VDAC1: variants seen among roughly 807,000 people sequenced by gnomAD.
VDAC1 encodes voltage dependent anion channel 1.
Under a neutral mutation model 34.7 loss-of-function variants are expected in VDAC1, and 10 were observed. The ratio of observed to expected loss-of-function variants is 0.29; its 90% CI spans 0.18 to 0.49. The LOEUF is 0.49. VDAC1 is among the 20% of genes least tolerant of loss of function. The pLI is 0.99. For synonymous variants in VDAC1, 130 were observed against 136.0 expected, an observed-to-expected ratio of 0.96 and a Z score of 0.30; for missense variants, 230 against 347.9, an observed-to-expected ratio of 0.66 and a Z score of 2.69.
the VDAC1 span, among the ~76,000 whole-genome samples, chr5:134,088,867 G>C: frequency 6.6e-6 from 1 of 152,154 alleles, no homozygotes; most frequent in Non-Finnish European, 1.5e-5. Flanking sequence ...GGAATAGACT[G>C]TCCGGTTGTG....
the VDAC1 span, among the ~76,000 whole-genome samples, chr5:134,101,856 C>T: frequency 6.6e-6 from 1 of 152,196 alleles, no homozygotes; most frequent in East Asian, 1.9e-4. Flanking sequence ...GCTGCCAGGG[C>T]TCAGATGCAG....
chr5:134,004,839 G>A (rs1473370296), intron 1 of VDAC1, 56 bp downstream of exon 1: 1 of 151,028 alleles, frequency 6.6e-6, no homozygotes, highest in East Asian at 2.0e-4. Context: ...GCCCCGCCCG[G>A]GACAGCGTCC....
the VDAC1 span, among the ~76,000 whole-genome samples, chr5:134,042,863 G>A: frequency 2.0e-3 from 307 of 152,272 alleles, no homozygotes; most frequent in African/African-American, 7.0e-3. Context: ...ATGAAACTGG[G>A]CTCCCCCAGG....
chr5:134,109,462 G>A, the VDAC1 span, among the ~76,000 whole-genome samples: 1 of 152,070 alleles, frequency 6.6e-6, no homozygotes, highest in African/African-American at 2.4e-5. Context: ...AGCTCTTCAT[G>A]GCATCCTTAG....
At chr5:134,043,700 T>C in the VDAC1 span, among the ~76,000 whole-genome samples, 2 of 151,970 alleles carry the variant, frequency 1.3e-5, no homozygotes, top group South Asian at 4.2e-4. Flanking sequence ...GGCCAGCTAA[T>C]TTTTGTATGT....
chr5:134,014,267 A>C, the VDAC1 span, among the ~76,000 whole-genome samples: 1 of 151,672 alleles, frequency 6.6e-6, no homozygotes, highest in Non-Finnish European at 1.5e-5. Flanking sequence ...TCCAGCCTGG[A>C]TGACAGAGTG....
the VDAC1 span, among the ~76,000 whole-genome samples, chr5:134,018,494 G>A: frequency 2.0e-5 from 3 of 152,140 alleles, no homozygotes; most frequent in Admixed American, 1.3e-4. Flanking sequence ...TATAGGAATC[G>A]TGCCTCTTGG....
chr5:134,059,356 G>A, the VDAC1 span, among the ~76,000 whole-genome samples: 1 of 152,196 alleles, frequency 6.6e-6, no homozygotes, highest in African/African-American at 2.4e-5. Flanking sequence ...CTTGGCTCTA[G>A]ACCAAGAGGA....
the VDAC1 span, among the ~76,000 whole-genome samples, chr5:134,028,204 C>T: frequency 6.6e-6 from 1 of 152,114 alleles, no homozygotes; most frequent in Non-Finnish European, 1.5e-5. Context: ...GCCATCTCGG[C>T]TCACTGCAAC....
the VDAC1 span, among the ~76,000 whole-genome samples, chr5:134,111,436 G>T: frequency 6.6e-6 from 1 of 152,180 alleles, no homozygotes; most frequent in Non-Finnish European, 1.5e-5. Context: ...GGCAACCACA[G>T]CAGATTGCAC....
the VDAC1 span, among the ~76,000 whole-genome samples, chr5:134,028,282 G>T: frequency 6.6e-6 from 1 of 150,898 alleles, no homozygotes; most frequent in African/African-American, 2.4e-5. Context: ...ACAGGGACCC[G>T]CCACCATGCC....
At chr5:134,086,464 C>A in the VDAC1 span, among the ~76,000 whole-genome samples, 2 of 152,194 alleles carry the variant, frequency 1.3e-5, no homozygotes, top group African/African-American at 4.8e-5. Context: ...TATTCACAAG[C>A]TCTTAGAGAC....
chr5:134,071,255 G>T, the VDAC1 span, among the ~76,000 whole-genome samples: 1 of 152,250 alleles, frequency 6.6e-6, no homozygotes, highest in Non-Finnish European at 1.5e-5. This position sits in a 1 kb window ranked among gnomAD's most constrained non-coding sequence, Gnocchi z 4.1. Context: ...CCAAGGTGCG[G>T]ACGCAGCGGG....
chr5:134,064,219 G>A, the VDAC1 span, among the ~76,000 whole-genome samples: 3 of 152,086 alleles, frequency 2.0e-5, no homozygotes, highest in African/African-American at 7.2e-5. Context: ...TTGGGCAAGT[G>A]ATTCTCCTGC....
chr5:134,086,690 C>T, the VDAC1 span, among the ~76,000 whole-genome samples: 2 of 146,160 alleles, frequency 1.4e-5, no homozygotes, highest in African/African-American at 5.6e-5. Context: ...CTTCCTTCTT[C>T]CTTCCCCTTC....
At chr5:134,081,307 G>A in the VDAC1 span, among the ~76,000 whole-genome samples, 1 of 152,200 alleles carries the variant, frequency 6.6e-6, no homozygotes, top group East Asian at 1.9e-4. Flanking sequence ...AAAGTGCTGG[G>A]ATTACAGGCG....
At chr5:134,061,686 T>C in the VDAC1 span, among the ~76,000 whole-genome samples, 1 of 151,806 alleles carries the variant, frequency 6.6e-6, no homozygotes, top group Non-Finnish European at 1.5e-5. Flanking sequence ...GAATTTTTTA[T>C]GAAGACAATC....
At chr5:134,079,335 G>A in the VDAC1 span, among the ~76,000 whole-genome samples, 1 of 152,220 alleles carries the variant, frequency 6.6e-6, no homozygotes, top group Admixed American at 6.5e-5. Context: ...CGTGGAATGG[G>A]ACCAGGCGAC....
chr5:134,063,655 G>T, the VDAC1 span, among the ~76,000 whole-genome samples: 1 of 152,138 alleles, frequency 6.6e-6, no homozygotes, highest in African/African-American at 2.4e-5. Context: ...TGCTAGACAC[G>T]TGAGGGAGGG....
Sources: gnomAD v4.1 joint callset for allele counts (sites outside exome capture counted in the v4.1 genomes callset) on GRCh38, gnomAD v4.1.1 for gene constraint, Gnocchi (gnomAD v3.1) non-coding constraint, MANE v1.5 for transcripts, NCBI Gene and HGNC (gene_info 2026-07-23, HGNC 2026-07-21) for gene names.